The following PKNOX2 variants were observed in gnomAD, a reference collection of about 807,000 sequenced individuals.
PKNOX2 encodes the protein homeobox protein PKNOX2.
A neutral mutation model predicts 53.1 loss-of-function variants in PKNOX2; 14 were observed. That is an observed-to-expected ratio of 0.26 (90% CI 0.17 to 0.41). PKNOX2 has a LOEUF of 0.41. Among genes scored for constraint, PKNOX2 ranks in the 10% least tolerant of loss-of-function variants. The probability of loss-of-function intolerance (pLI) is 1.00; values close to 1 mark genes in which losing one functional copy is unlikely to be tolerated. For synonymous variants in PKNOX2, 257 were observed against 242.8 expected, an observed-to-expected ratio of 1.06 and a Z score of -0.54; for missense variants, 496 against 602.8, an observed-to-expected ratio of 0.82 and a Z score of 1.85.
intron 2 of PKNOX2, among the ~76,000 whole-genome samples, chr11:125,315,318 A>AAAC (rs1212141307): frequency 7.9e-5 from 12 of 151,370 alleles, no homozygotes; most frequent in African/African-American, 2.0e-4. Flanking sequence ...AAAAAAAAAA[A>AAAC]AAAAAAAAAA....
At chr11:125,187,654 C>G (rs1383610441) in intron 1 of PKNOX2, among the ~76,000 whole-genome samples, 3 of 150,734 alleles carry the variant, frequency 2.0e-5, no homozygotes, top group Non-Finnish European at 4.4e-5. Flanking sequence ...AATTTGGATG[C>G]CTTTTATTTC....
intron 2 of PKNOX2, among the ~76,000 whole-genome samples, chr11:125,285,302 A>T (rs761146352): frequency 6.6e-6 from 1 of 152,162 alleles, no homozygotes; most frequent in African/African-American, 2.4e-5. Flanking sequence ...TTGGGAAAAC[A>T]CACCCCAGAT....
chr11:125,354,808 G>A (rs1406702509), intron 4 of PKNOX2, among the ~76,000 whole-genome samples: 1 of 152,186 alleles, frequency 6.6e-6, no homozygotes, highest in Non-Finnish European at 1.5e-5. Context: ...AGCATTCACT[G>A]TTATGGCCTC....
At chr11:125,356,766 G>A (rs1347545758) in intron 4 of PKNOX2, among the ~76,000 whole-genome samples, 1 of 152,232 alleles carries the variant, frequency 6.6e-6, no homozygotes, top group East Asian at 1.9e-4. Context: ...TCCTGGGGAA[G>A]CTGGATGGGC....
intron 2 of PKNOX2, among the ~76,000 whole-genome samples, chr11:125,295,861 C>T (rs1373615954): frequency 3.9e-5 from 6 of 152,138 alleles, no homozygotes; most frequent in Admixed American, 1.3e-4. Flanking sequence ...CCTTCTGTAC[C>T]GCCGGTAGCT....
At chr11:125,228,370 G>A (rs988026114) in intron 1 of PKNOX2, among the ~76,000 whole-genome samples, 10 of 152,218 alleles carry the variant, frequency 6.6e-5, no homozygotes, top group Admixed American at 6.5e-5. Flanking sequence ...ATGAAAACGG[G>A]TGGCAGTCAT....
At chr11:125,312,045 G>A (rs945271338) in intron 2 of PKNOX2, among the ~76,000 whole-genome samples, 3 of 152,172 alleles carry the variant, frequency 2.0e-5, no homozygotes, top group Non-Finnish European at 4.4e-5. Context: ...CTCAGATCCA[G>A]CACTTTAGAT....
At chr11:125,421,054 A>C (rs762864378) in intron 10 of PKNOX2, among the ~76,000 whole-genome samples, 39 of 152,200 alleles carry the variant, frequency 2.6e-4, no homozygotes, top group Non-Finnish European at 2.9e-4. Flanking sequence ...TGAAAAAAAA[A>C]CATGATCTAA....
intron 2 of PKNOX2, among the ~76,000 whole-genome samples, chr11:125,236,304 C>T (rs1041334431): frequency 6.8e-6 from 1 of 146,048 alleles, no homozygotes; most frequent in Non-Finnish European, 1.5e-5. Context: ...TGCTCAGGAG[C>T]AGTCGGATCT....
intron 2 of PKNOX2, among the ~76,000 whole-genome samples, chr11:125,282,094 G>A (rs1337161206): frequency 6.6e-6 from 1 of 152,208 alleles, no homozygotes; most frequent in Non-Finnish European, 1.5e-5. Flanking sequence ...TCTCTGGGGT[G>A]CCACTGCTCA....
intron 4 of PKNOX2, among the ~76,000 whole-genome samples, chr11:125,364,567 G>C (rs532027302): frequency 6.6e-6 from 1 of 152,148 alleles, no homozygotes; most frequent in Non-Finnish European, 1.5e-5. Flanking sequence ...TCAAGGACAC[G>C]AGGAAACTCA....
At chr11:125,388,842 C>A (rs1305251774) in intron 6 of PKNOX2, among the ~76,000 whole-genome samples, 2 of 152,314 alleles carry the variant, frequency 1.3e-5, no homozygotes, top group South Asian at 2.1e-4. Context: ...CCATTAGCCA[C>A]CTGCTCCCAC....
chr11:125,179,377 A>G (rs192317122), intron 1 of PKNOX2, among the ~76,000 whole-genome samples: 6 of 152,308 alleles, frequency 3.9e-5, no homozygotes, highest in African/African-American at 1.4e-4. Context: ...TTCAACAGGA[A>G]GATTTTATCC....
intron 2 of PKNOX2, among the ~76,000 whole-genome samples, chr11:125,300,438 CA>C (rs765352941): frequency 4.6e-5 from 7 of 152,200 alleles, no homozygotes; most frequent in African/African-American, 1.2e-4. Context: ...AGAGGTTAAG[CA>C]GCTTCCCACA....
At chr11:125,319,669 A>C (rs896467516) in intron 2 of PKNOX2, among the ~76,000 whole-genome samples, 1 of 152,244 alleles carries the variant, frequency 6.6e-6, no homozygotes, top group Non-Finnish European at 1.5e-5. Context: ...ACATTAATTA[A>C]ATTCTCAAAC....
intron 2 of PKNOX2, among the ~76,000 whole-genome samples, chr11:125,299,910 T>C (rs968881535): frequency 1.6e-4 from 25 of 152,192 alleles, no homozygotes; most frequent in Admixed American, 1.6e-3. Flanking sequence ...CACCGTCTGT[T>C]TCTGAGACAC....
intron 2 of PKNOX2, among the ~76,000 whole-genome samples, chr11:125,298,659 C>A (rs542550862): frequency 1.8e-4 from 28 of 152,288 alleles, no homozygotes; most frequent in Non-Finnish European, 2.6e-4. Flanking sequence ...AGGGACCAGA[C>A]AAATACTTGG....
At chr11:125,390,944 C>T (rs1324033813) in intron 6 of PKNOX2, among the ~76,000 whole-genome samples, 1 of 152,168 alleles carries the variant, frequency 6.6e-6, no homozygotes, top group Non-Finnish European at 1.5e-5. Flanking sequence ...TTCTAGTGAC[C>T]CCACACTTCC....
chr11:125,268,913 G>C (rs113273320), intron 2 of PKNOX2, among the ~76,000 whole-genome samples: 1 of 136,640 alleles, frequency 7.3e-6, no homozygotes, highest in South Asian at 2.4e-4. Flanking sequence ...GACAGCAATG[G>C]CTTCTCATAG....
Sources: gnomAD v4.1 joint callset for allele counts (sites outside exome capture counted in the v4.1 genomes callset) on GRCh38, gnomAD v4.1.1 for gene constraint, MANE v1.5 for transcripts, NCBI Gene and HGNC (gene_info 2026-07-23, HGNC 2026-07-21) for gene names.